Variants in RIMS2 observed in about 807,000 individuals in gnomAD.
RIMS2 encodes regulating synaptic membrane exocytosis protein 2.
Under a neutral mutation model 174.4 loss-of-function variants are expected in RIMS2, and 59 were observed. That is an observed-to-expected ratio of 0.34 (90% confidence interval 0.27 to 0.42). The LOEUF (loss-of-function observed/expected upper bound fraction) is 0.42. Among genes scored for constraint, RIMS2 ranks in the 10% least tolerant of loss-of-function variants. The probability of loss-of-function intolerance (pLI) is 1.00; values close to 1 mark genes in which losing one functional copy is unlikely to be tolerated. For synonymous variants in RIMS2, 606 were observed against 572.5 expected (o/e 1.06, Z -0.84); for missense variants, 1,620 against 1,666.3 (o/e 0.97, Z 0.48).
At chr8:104,065,816 A>G (rs564609313) in intron 19 of RIMS2, among the ~76,000 whole-genome samples, 1 of 152,228 alleles carries the variant, frequency 6.6e-6, no homozygotes, top group South Asian at 2.1e-4. Flanking sequence ...GGGTCTGGAG[A>G]TGAGAGATTT....
chr8:103,682,187 C>T lies in RIMS2; in HGVS notation c.177-14899C>T, dbSNP rs994243397. ...AAGTAGGCGATTGAATACTGAAGCT[C>T]AGAGGAAAAGTCTGAACTAGAGGTA... On this transcript the variant is annotated intron_variant, in intron 1 of 23. Coordinates refer to ENST00000504942, the Ensembl canonical transcript of RIMS2. Among the ~76,000 whole-genome samples the T allele has an allele frequency of 1.3e-4, 20 of 152,058 alleles. No homozygotes were observed. In the East Asian group the frequency reaches 3.9e-3, roughly 29 times the overall value.
chr8:103,963,634 C>G (rs2090922334), intron 15 of RIMS2, among the ~76,000 whole-genome samples: 1 of 152,032 alleles, frequency 6.6e-6, no homozygotes, highest in Non-Finnish European at 1.5e-5. Flanking sequence ...CATTCATAGC[C>G]TCTCCCATTA....
intron 3 of RIMS2, among the ~76,000 whole-genome samples, chr8:103,872,689 A>C (rs555483330): frequency 2.0e-5 from 3 of 152,316 alleles, no homozygotes; most frequent in African/African-American, 7.2e-5. Context: ...AGTTAAGTTG[A>C]AAGAATAAAG....
At chr8:104,234,456 G>A (rs1326806795) in intron 19 of RIMS2, among the ~76,000 whole-genome samples, 2 of 151,116 alleles carry the variant, frequency 1.3e-5, no homozygotes, top group Non-Finnish European at 2.9e-5. Context: ...TAGTGGATAT[G>A]CAACTCTATC....
intron 4 of RIMS2, among the ~76,000 whole-genome samples, chr8:103,888,458 A>G (rs1293259403): frequency 6.6e-6 from 1 of 151,402 alleles, no homozygotes; most frequent in African/African-American, 2.4e-5. Flanking sequence ...GTCATTTTTC[A>G]CATTTGCCAG....
rs1436188323 is a variant in RIMS2 at position 103,565,844 on chromosome 8, G to A, written c.176+64782G>A. ...CACCTTTGCGAGAGAGTTCAAGGAC[G>A]AGTCAAAGCAAAAGTAGAAAGTATT... On this transcript the variant is annotated intron_variant, in intron 1 of 23. Transcript: ENST00000504942. Among the ~76,000 whole-genome samples, 8 of 152,266 alleles carry A rather than the reference G, an allele frequency of 5.3e-5. No homozygotes were observed. The East Asian group carries it at 1.4e-3, about 26-fold the overall frequency.
At chr8:103,608,884 C>T (rs987395185) in intron 1 of RIMS2, among the ~76,000 whole-genome samples, 2 of 152,336 alleles carry the variant, frequency 1.3e-5, no homozygotes, top group South Asian at 4.1e-4. Flanking sequence ...GACCTGCGCC[C>T]ACTGTCTGGC....
At chr8:103,738,690 A>T (rs1322872625) in intron 2 of RIMS2, among the ~76,000 whole-genome samples, 1 of 151,440 alleles carries the variant, frequency 6.6e-6, no homozygotes, top group African/African-American at 2.4e-5. Context: ...TTACAAGAAA[A>T]AAACAACCCC....
chr8:104,179,425 G>C (rs770713615), intron 19 of RIMS2, among the ~76,000 whole-genome samples: 3 of 151,816 alleles, frequency 2.0e-5, no homozygotes, highest in Non-Finnish European at 4.4e-5. Context: ...GATTTGTACA[G>C]AAAAATATGA....
chr8:103,515,066 T>C (rs1172472369), intron 1 of RIMS2, among the ~76,000 whole-genome samples: 5 of 152,226 alleles, frequency 3.3e-5, no homozygotes, highest in African/African-American at 1.2e-4. Context: ...CTTTAACTCA[T>C]GTCCTTTTCT....
intron 18 of RIMS2, 48 bp from the exon 21 acceptor site, chr8:104,014,458 A>G (rs1334168882): frequency 1.9e-6 from 2 of 1,041,194 alleles, no homozygotes; most frequent in Non-Finnish European, 1.5e-6. Context: ...GGTATTAAAA[A>G]TATGTAACTC....
intron 13 of RIMS2, among the ~76,000 whole-genome samples, chr8:103,937,087 G>A (rs1164408731): frequency 1.3e-5 from 2 of 149,890 alleles, no homozygotes; most frequent in Non-Finnish European, 3.0e-5. Flanking sequence ...GACAGAGCGA[G>A]ACTCTGTCTC....
intron 3 of RIMS2, among the ~76,000 whole-genome samples, chr8:103,792,089 A>G (rs960723237): frequency 6.6e-6 from 1 of 152,192 alleles, no homozygotes; most frequent in Non-Finnish European, 1.5e-5. Context: ...CATCTACAGA[A>G]GTCTCCACCC....
At chr8:103,623,771 G>A (rs987997413) in intron 1 of RIMS2, among the ~76,000 whole-genome samples, 1 of 150,898 alleles carries the variant, frequency 6.6e-6, no homozygotes, top group African/African-American at 2.5e-5. Flanking sequence ...TTACAGGCGT[G>A]AGCCACCGCG....
At chr8:103,736,880 GGAAT>G (rs1288410380) in intron 2 of RIMS2, among the ~76,000 whole-genome samples, 1 of 152,100 alleles carries the variant, frequency 6.6e-6, no homozygotes, top group African/African-American at 2.4e-5. Context: ...TTTGTGAGCA[GGAAT>G]GAATTGTGAA....
At chr8:104,229,296 C>T (rs2099209843) in intron 19 of RIMS2, among the ~76,000 whole-genome samples, 2 of 152,020 alleles carry the variant, frequency 1.3e-5, no homozygotes, top group African/African-American at 4.8e-5. Flanking sequence ...CAAGATCATT[C>T]TGTATATTTG....
chr8:104,238,414 A>G (rs1290663191), intron 19 of RIMS2, among the ~76,000 whole-genome samples: 1 of 151,860 alleles, frequency 6.6e-6, no homozygotes, highest in Non-Finnish European at 1.5e-5. Flanking sequence ...ATGTATACCT[A>G]TGTAACAAAC....
intron 1 of RIMS2, among the ~76,000 whole-genome samples, chr8:103,505,383 G>C (rs746097582): frequency 5.0e-4 from 76 of 152,158 alleles, no homozygotes; most frequent in Non-Finnish European, 9.6e-4. Flanking sequence ...TAAGAGGTCA[G>C]TTCCACATCT....
chr8:103,857,904 G>A (rs2099036860), intron 3 of RIMS2, among the ~76,000 whole-genome samples: 1 of 152,176 alleles, frequency 6.6e-6, no homozygotes, highest in African/African-American at 2.4e-5. Context: ...TGGACAAAGA[G>A]TATGTTGTCA....
Sources: gnomAD v4.1 joint callset for allele counts (sites outside exome capture counted in the v4.1 genomes callset) on GRCh38, gnomAD v4.1.1 for gene constraint, MANE v1.5 for transcripts, NCBI Gene and HGNC (gene_info 2026-07-23, HGNC 2026-07-21) for gene names.